Variants in MAGI1 observed in about 807,000 individuals in gnomAD.
The protein encoded by MAGI1 is membrane-associated guanylate kinase, WW and PDZ domain-containing protein 1.
MAGI1 carries 58 observed loss-of-function variants against 139.9 expected under a neutral mutation model. That is an observed-to-expected ratio of 0.41 (90% CI 0.34 to 0.52). The LOEUF is 0.52. Among genes scored for constraint, MAGI1 ranks in the 20% least tolerant of loss-of-function variants. The pLI is 0.12. For synonymous variants in MAGI1, 812 were observed against 737.9 expected (o/e 1.10, Z -1.63); for missense variants, 1,874 against 1,901.6 (o/e 0.99, Z 0.27).
At chr3:65,968,929 C>T (rs1296907537) in intron 1 of MAGI1, among the ~76,000 whole-genome samples, 1 of 152,062 alleles carries the variant, frequency 6.6e-6, no homozygotes, top group Non-Finnish European at 1.5e-5. Context: ...TTTGATGAGA[C>T]GACCTTAAAT....
intron 1 of MAGI1, among the ~76,000 whole-genome samples, chr3:65,710,709 C>T (rs1329315196): frequency 6.6e-6 from 1 of 152,186 alleles, no homozygotes; most frequent in African/African-American, 2.4e-5. Context: ...CGTGAAGAAA[C>T]TGATTTTCAG....
chr3:65,847,380 GT>G (rs199890075), intron 1 of MAGI1, among the ~76,000 whole-genome samples: 2,661 of 151,966 alleles, frequency 0.018, 79 homozygotes, highest in African/African-American at 0.061. Flanking sequence ...CCACCTGGTG[GT>G]TTTTTTTCCT....
intron 1 of MAGI1, among the ~76,000 whole-genome samples, chr3:65,959,883 G>A (rs896892512): frequency 3.1e-5 from 4 of 127,094 alleles, no homozygotes; most frequent in African/African-American, 8.9e-5. Flanking sequence ...TCGGCTCACT[G>A]CAAGCTCCAC....
intron 1 of MAGI1, among the ~76,000 whole-genome samples, chr3:65,996,211 A>G (rs1381969246): frequency 2.0e-5 from 3 of 152,044 alleles, no homozygotes; most frequent in Non-Finnish European, 4.4e-5. Flanking sequence ...TAATTACAGC[A>G]CCTACCTCCT....
intron 2 of MAGI1, among the ~76,000 whole-genome samples, chr3:65,556,146 A>G (rs2080078747): frequency 6.6e-6 from 1 of 152,228 alleles, no homozygotes. Context: ...ATGGACCTTA[A>G]CACTTCAAAA....
chr3:65,987,983 T>C (rs960305539), intron 1 of MAGI1, among the ~76,000 whole-genome samples: 2 of 152,236 alleles, frequency 1.3e-5, no homozygotes, highest in African/African-American at 4.8e-5. Context: ...CCTCCTAGTG[T>C]TATAAGGACA....
intron 7 of MAGI1, among the ~76,000 whole-genome samples, chr3:65,443,591 A>C (rs1948486973): frequency 1.3e-5 from 2 of 152,248 alleles, no homozygotes; most frequent in South Asian, 4.1e-4. Flanking sequence ...TTTATTAAAC[A>C]GGTAATAGTT....
At chr3:65,746,171 G>A (rs2035693634) in intron 1 of MAGI1, among the ~76,000 whole-genome samples, 1 of 151,958 alleles carries the variant, frequency 6.6e-6, no homozygotes, top group Non-Finnish European at 1.5e-5. Context: ...AACTAGCTGG[G>A]ACTACAGGCA....
rs374606572 is a variant in MAGI1 at position 65,961,641 on chromosome 3, T to C, written c.313+76355A>G. Among the ~76,000 whole-genome samples the C allele has an allele frequency of 1.4e-4, 22 of 152,308 alleles. No individual in the cohort carries two copies. In the East Asian group the frequency reaches 3.1e-3, roughly 21 times the overall value. The stretch of plus-strand genomic sequence containing the variant: ...AACTAATGACTTGTTTTTAAAGGTC[T>C]AGTGAGTGCCTAGATAGTGCCTTAC... On this transcript the variant is annotated intron_variant, in intron 1 of 22. Coordinates refer to ENST00000402939, the MANE Select transcript of MAGI1 (RefSeq NM_001033057.2).
At chr3:65,685,175 T>C (rs1391096003) in intron 1 of MAGI1, among the ~76,000 whole-genome samples, 2 of 152,038 alleles carry the variant, frequency 1.3e-5, no homozygotes, top group African/African-American at 2.4e-5. Context: ...AAATTTTCCA[T>C]TAATAAAAAA....
At chr3:65,947,497 T>A (rs2063592969) in intron 1 of MAGI1, among the ~76,000 whole-genome samples, 1 of 152,210 alleles carries the variant, frequency 6.6e-6, no homozygotes. Flanking sequence ...AATCATCAAA[T>A]GAATACACTG....
chr3:65,443,515 G>A (rs1948482185), intron 7 of MAGI1, among the ~76,000 whole-genome samples: 1 of 152,146 alleles, frequency 6.6e-6, no homozygotes, highest in Admixed American at 6.6e-5. Context: ...GGGGATGTAT[G>A]TGCCTTTCTG....
chr3:65,735,356 C>CGTGT (rs368243061), intron 1 of MAGI1, among the ~76,000 whole-genome samples: 3,530 of 148,164 alleles, frequency 0.024, 166 homozygotes, highest in African/African-American at 0.083. Context: ...TGTGTCTGCA[C>CGTGT]GTGTGTGTGT....
At chr3:65,553,254 C>T (rs2079933284) in intron 2 of MAGI1, among the ~76,000 whole-genome samples, 1 of 151,632 alleles carries the variant, frequency 6.6e-6, no homozygotes, top group African/African-American at 2.4e-5. Flanking sequence ...GTGTAAGTAG[C>T]TAGAGGTAGT....
intron 1 of MAGI1, among the ~76,000 whole-genome samples, chr3:65,856,691 T>C (rs901522573): frequency 5.3e-5 from 8 of 152,180 alleles, no homozygotes; most frequent in African/African-American, 1.4e-4. Flanking sequence ...TCAATGTCAA[T>C]GGCACTTTTT....
At chr3:65,982,948 C>T (rs2065665221) in intron 1 of MAGI1, among the ~76,000 whole-genome samples, 1 of 152,146 alleles carries the variant, frequency 6.6e-6, no homozygotes, top group African/African-American at 2.4e-5. Flanking sequence ...AAGACAGGCT[C>T]TCCCTCCGTC....
intron 1 of MAGI1, among the ~76,000 whole-genome samples, chr3:65,877,125 G>C (rs2108510055): frequency 6.6e-6 from 1 of 152,322 alleles, no homozygotes; most frequent in Admixed American, 6.5e-5. Flanking sequence ...AAATGCAAGT[G>C]TGAGTCCAAA....
At chr3:65,696,454 C>A (rs1382363995) in intron 1 of MAGI1, among the ~76,000 whole-genome samples, 4 of 152,040 alleles carry the variant, frequency 2.6e-5, no homozygotes, top group African/African-American at 9.7e-5. Flanking sequence ...GCATCTCTAA[C>A]ACTTAGAACA....
chr3:65,482,009 T>A (rs959706022), intron 3 of MAGI1, among the ~76,000 whole-genome samples: 1 of 152,244 alleles, frequency 6.6e-6, no homozygotes, highest in Admixed American at 6.5e-5. Flanking sequence ...TTGAACCATA[T>A]GAAATTGCTG....
Sources: gnomAD v4.1 joint callset for allele counts (sites outside exome capture counted in the v4.1 genomes callset) on GRCh38, gnomAD v4.1.1 for gene constraint, MANE v1.5 for transcripts, NCBI Gene and HGNC (gene_info 2026-07-23, HGNC 2026-07-21) for gene names.